The following SLC44A3 variants were observed in gnomAD, a reference collection of about 807,000 sequenced individuals.
SLC44A3 encodes solute carrier family 44 member 3, also known as choline transporter-like protein 3.
SLC44A3 carries 74 observed loss-of-function variants against 75.4 expected under a neutral mutation model. The observed-to-expected ratio is 0.98, with a 90% confidence interval of 0.81 to 1.19. SLC44A3 has a LOEUF of 1.19. SLC44A3 is among the 50% of genes most tolerant of loss of function. The pLI, the probability that SLC44A3 is intolerant of heterozygous loss-of-function variation, is 0.00. For synonymous variants in SLC44A3, 310 were observed against 296.9 expected (o/e 1.04, Z -0.45); for missense variants, 700 against 778.6 (o/e 0.90, Z 1.20).
chr1:94,855,231 A>C (rs1164692352), intron 9 of SLC44A3: 1 of 152,218 alleles, frequency 6.6e-6, no homozygotes, highest in East Asian at 1.9e-4. Flanking sequence ...CAGGTCCTGT[A>C]GGACATACTT....
At chr1:94,878,775 AT>A (rs1471984120) in intron 12 of SLC44A3, among the ~76,000 whole-genome samples, 1 of 152,226 alleles carries the variant, frequency 6.6e-6, no homozygotes, top group Non-Finnish European at 1.5e-5. Context: ...CACAGAAATA[AT>A]GCCTTGCATA....
chr1:94,849,353 CT>C (rs1045515059), intron 9 of SLC44A3, among the ~76,000 whole-genome samples: 2 of 152,250 alleles, frequency 1.3e-5, no homozygotes, highest in South Asian at 2.1e-4. Flanking sequence ...CACCACCCCC[CT>C]TCCCCACCCC....
At chr1:94,843,890 T>G (rs1571243794) in intron 8 of SLC44A3, among the ~76,000 whole-genome samples, 2 of 149,354 alleles carry the variant, frequency 1.3e-5, no homozygotes, top group Non-Finnish European at 3.0e-5. Context: ...GGGGGGGTGG[T>G]CAGGGAGGTT....
At chr1:94,860,043 T>A (rs1440447933) in intron 10 of SLC44A3, among the ~76,000 whole-genome samples, 1 of 152,338 alleles carries the variant, frequency 6.6e-6, no homozygotes, top group East Asian at 1.9e-4. Context: ...CAATTTGAAC[T>A]GTTTACCAGT....
At chr1:94,852,703 T>C (rs561417923) in intron 9 of SLC44A3, among the ~76,000 whole-genome samples, 7 of 152,294 alleles carry the variant, frequency 4.6e-5, no homozygotes, top group Admixed American at 3.9e-4. Context: ...GTCATAATGT[T>C]GGAAGTGGCA....
chr1:94,857,970 C>A (rs922378365), intron 10 of SLC44A3, among the ~76,000 whole-genome samples: 2 of 152,056 alleles, frequency 1.3e-5, no homozygotes, highest in Admixed American at 1.3e-4. Flanking sequence ...TGCGCCATCA[C>A]ACTCGGCTGA....
At chr1:94,844,743 CAAGA>C (rs1329909571) in intron 8 of SLC44A3, among the ~76,000 whole-genome samples, 2 of 152,018 alleles carry the variant, frequency 1.3e-5, no homozygotes, top group Non-Finnish European at 2.9e-5. Flanking sequence ...GTAGACAAGC[CAAGA>C]AGCTCGGCCA....
intron 12 of SLC44A3, among the ~76,000 whole-genome samples, chr1:94,875,161 C>T (rs894468610): frequency 6.6e-6 from 1 of 152,198 alleles, no homozygotes; most frequent in African/African-American, 2.4e-5. Flanking sequence ...AGCCCGCCTA[C>T]ACTCTGCTGC....
chr1:94,873,181 C>A (rs1439436267), intron 12 of SLC44A3, among the ~76,000 whole-genome samples: 1 of 152,202 alleles, frequency 6.6e-6, no homozygotes, highest in Non-Finnish European at 1.5e-5. Context: ...CCTTTTCTGC[C>A]TTGGGCTATC....
intron 12 of SLC44A3, among the ~76,000 whole-genome samples, chr1:94,889,524 T>TCACCCA (rs1669964614): frequency 9.0e-6 from 1 of 111,622 alleles, no homozygotes; most frequent in African/African-American, 2.7e-5. Flanking sequence ...GTGAACATAA[T>TCACCCA]CACACACACA....
At chr1:94,892,659 A>G in intron 14 of SLC44A3, 142 bp downstream of exon 14, 1 of 824,856 alleles carries the variant, frequency 1.2e-6, no homozygotes, top group East Asian at 2.4e-5. Flanking sequence ...CGGGCCTGAA[A>G]GTGGGATTTG....
chr1:94,846,604 A>G (rs1557833250), intron 9 of SLC44A3, among the ~76,000 whole-genome samples: 1 of 152,236 alleles, frequency 6.6e-6, no homozygotes, highest in Non-Finnish European at 1.5e-5. Flanking sequence ...TTATCTTACT[A>G]ACAATGTGAG....
chr1:94,845,597 G>C, intron 9 of SLC44A3, 133 bp downstream of exon 9: 1 of 754,214 alleles, frequency 1.3e-6, no homozygotes. Context: ...CAGCGTTGGT[G>C]CTTGGGGCTC....
chr1:94,821,836 T>A (rs1660634801), intron 2 of SLC44A3, among the ~76,000 whole-genome samples: 1 of 152,178 alleles, frequency 6.6e-6, no homozygotes, highest in African/African-American at 2.4e-5. Context: ...TTGAAAAGAA[T>A]TCCATCTGAA....
At chr1:94,880,645 G>A (rs575762398) in intron 12 of SLC44A3, among the ~76,000 whole-genome samples, 3 of 152,136 alleles carry the variant, frequency 2.0e-5, no homozygotes, top group Non-Finnish European at 4.4e-5. Context: ...CACAGTAAAA[G>A]TAGACACTGT....
chr1:94,866,372 T>G (rs1430528908), intron 11 of SLC44A3, among the ~76,000 whole-genome samples: 1 of 152,158 alleles, frequency 6.6e-6, no homozygotes, highest in African/African-American at 2.4e-5. Context: ...AAAAGGTTAT[T>G]TATCACTTCC....
chr1:94,884,938 A>T (rs1036258180), intron 12 of SLC44A3, among the ~76,000 whole-genome samples: 6 of 152,252 alleles, frequency 3.9e-5, no homozygotes, highest in Admixed American at 1.3e-4. Flanking sequence ...AATAATTACA[A>T]TTTTCTATAA....
intron 12 of SLC44A3, among the ~76,000 whole-genome samples, chr1:94,872,023 C>T (rs191648063): frequency 5.3e-5 from 8 of 152,296 alleles, no homozygotes; most frequent in African/African-American, 1.9e-4. Flanking sequence ...CCAGTGTTGC[C>T]TTGAGTTGAC....
At chr1:94,888,057 C>A (rs892988876) in intron 12 of SLC44A3, among the ~76,000 whole-genome samples, 2 of 152,108 alleles carry the variant, frequency 1.3e-5, no homozygotes, top group African/African-American at 4.8e-5. Context: ...TTAATCCTCC[C>A]AACATCCCTT....
Sources: allele counts gnomAD v4.1 joint callset (sites outside exome capture counted in the v4.1 genomes callset), GRCh38; gene constraint gnomAD v4.1.1; transcripts MANE v1.5; gene names NCBI Gene and HGNC (gene_info 2026-07-23, HGNC 2026-07-21).